Variants in ASPRV1 observed in about 807,000 individuals in gnomAD.
ASPRV1 encodes the protein aspartic peptidase retroviral like 1.
In ASPRV1, 7 loss-of-function variants were observed where a neutral mutation model predicts 11.0. The ratio of observed to expected loss-of-function variants is 0.64; its 90% CI spans 0.36 to 1.20. The LOEUF (loss-of-function observed/expected upper bound fraction) is 1.20, where lower values mean the gene tolerates loss of function less well. Among genes scored for constraint, ASPRV1 ranks in the 50% most tolerant of loss-of-function variants. The probability of loss-of-function intolerance (pLI) is 0.02; values close to 1 mark genes in which losing one functional copy is unlikely to be tolerated. For synonymous variants in ASPRV1, 136 were observed against 138.4 expected (o/e 0.98, Z 0.12); for missense variants, 299 against 320.0 (o/e 0.93, Z 0.50).
chr2:70,077,855 C>CA, the ASPRV1 span, among the ~76,000 whole-genome samples: 2 of 148,314 alleles, frequency 1.3e-5, no homozygotes, highest in South Asian at 2.1e-4. Context: ...AACTCTGTCT[C>CA]AAAAAAAATA....
chr2:70,016,933 T>C, the ASPRV1 span, among the ~76,000 whole-genome samples: 3 of 151,762 alleles, frequency 2.0e-5, no homozygotes, highest in African/African-American at 4.8e-5. Flanking sequence ...GTTCAACATA[T>C]ACAAATCAAT....
chr2:69,979,058 C>CA, the ASPRV1 span, among the ~76,000 whole-genome samples: 5 of 152,082 alleles, frequency 3.3e-5, no homozygotes, highest in African/African-American at 1.2e-4. Flanking sequence ...TTTTTTGAGA[C>CA]AAAGTCTCAT....
At chr2:69,944,801 A>ACCC in the ASPRV1 span, among the ~76,000 whole-genome samples, 14 of 150,320 alleles carry the variant, frequency 9.3e-5, no homozygotes, top group African/African-American at 3.2e-4. Flanking sequence ...GTGAAGAAGG[A>ACCC]CCCCCCCTCC....
At chr2:70,013,215 T>C in the ASPRV1 span, among the ~76,000 whole-genome samples, 31 of 152,312 alleles carry the variant, frequency 2.0e-4, no homozygotes, top group African/African-American at 7.2e-4. Flanking sequence ...CCATTCAAAG[T>C]GCAAGATAGA....
At chr2:69,983,515 A>G in the ASPRV1 span, among the ~76,000 whole-genome samples, 1 of 152,204 alleles carries the variant, frequency 6.6e-6, no homozygotes, top group African/African-American at 2.4e-5. Context: ...CTTTTGGGCA[A>G]AGCTGCCACC....
the ASPRV1 span, chr2:70,081,223 C>T: frequency 3.1e-4 from 47 of 152,312 alleles, no homozygotes; most frequent in African/African-American, 1.1e-3. Flanking sequence ...TGGCTTCTGG[C>T]TGGAGGCTCA....
At chr2:69,981,801 C>T in the ASPRV1 span, among the ~76,000 whole-genome samples, 2 of 152,150 alleles carry the variant, frequency 1.3e-5, no homozygotes, top group African/African-American at 4.8e-5. Flanking sequence ...TCAAGTGATC[C>T]GCCTGCCTTG....
At chr2:70,086,131 C>G in the ASPRV1 span, 3 of 152,194 alleles carry the variant, frequency 2.0e-5, no homozygotes, top group African/African-American at 7.2e-5. Flanking sequence ...GACCTTCAGA[C>G]CAGCCTGTGG....
At chr2:70,011,406 G>C in the ASPRV1 span, among the ~76,000 whole-genome samples, 2 of 152,184 alleles carry the variant, frequency 1.3e-5, no homozygotes, top group Non-Finnish European at 2.9e-5. Context: ...ATGAGCGCCT[G>C]AGCTGAGGCA....
At chr2:69,971,048 T>G in the ASPRV1 span, 1 of 152,126 alleles carries the variant, frequency 6.6e-6, no homozygotes, top group Admixed American at 6.5e-5. Flanking sequence ...GCACCTGCAA[T>G]CCCAGCTACT....
chr2:70,064,687 A>G, the ASPRV1 span, among the ~76,000 whole-genome samples: 4 of 152,202 alleles, frequency 2.6e-5, no homozygotes, highest in Admixed American at 6.5e-5. Flanking sequence ...GATGCTGGAG[A>G]GGCCAAAAGG....
chr2:69,989,363 C>T, the ASPRV1 span, among the ~76,000 whole-genome samples: 2 of 152,270 alleles, frequency 1.3e-5, no homozygotes, highest in South Asian at 2.1e-4. Flanking sequence ...ATGACCCTGA[C>T]ACCACCCATC....
the ASPRV1 span, among the ~76,000 whole-genome samples, chr2:70,035,652 C>T: frequency 1.3e-5 from 2 of 150,016 alleles, no homozygotes; most frequent in Non-Finnish European, 3.0e-5. Context: ...ACTCCTCATA[C>T]GAGATAATTA....
chr2:70,071,607 T>G, the ASPRV1 span: 1 of 152,124 alleles, frequency 6.6e-6, no homozygotes, highest in Non-Finnish European at 1.5e-5. Flanking sequence ...CCAGGCGTAG[T>G]GGCACACACC....
chr2:69,963,193 T>G (rs1435546990), upstream of ASPRV1: 1 of 444,170 alleles, frequency 2.3e-6, no homozygotes, highest in Non-Finnish European at 4.5e-6. Context: ...GGCAGTTGGG[T>G]CAACACCTCT....
chr2:70,059,049 G>A, the ASPRV1 span, among the ~76,000 whole-genome samples: 4 of 151,066 alleles, frequency 2.6e-5, no homozygotes, highest in East Asian at 2.0e-4. Context: ...CACTACGCCC[G>A]GCTAATTTTT....
At chr2:70,073,564 T>C in the ASPRV1 span, among the ~76,000 whole-genome samples, 1 of 152,182 alleles carries the variant, frequency 6.6e-6, no homozygotes, top group Non-Finnish European at 1.5e-5. Context: ...TTTAAAACAG[T>C]GTCTGACACA....
chr2:69,943,871 AGTT>A, the ASPRV1 span, among the ~76,000 whole-genome samples: 1 of 152,188 alleles, frequency 6.6e-6, no homozygotes, highest in Non-Finnish European at 1.5e-5. Flanking sequence ...AGGAGGAAAA[AGTT>A]GTCTTTCTCC....
the ASPRV1 span, among the ~76,000 whole-genome samples, chr2:69,984,683 C>A: frequency 1.0e-4 from 13 of 125,464 alleles, no homozygotes; most frequent in Non-Finnish European, 1.9e-4. Flanking sequence ...TGCAATATTG[C>A]GATCTCGGCT....
Sources: allele counts gnomAD v4.1 joint callset (sites outside exome capture counted in the v4.1 genomes callset), GRCh38; gene constraint gnomAD v4.1.1; transcripts MANE v1.5; gene names NCBI Gene and HGNC (gene_info 2026-07-23, HGNC 2026-07-21).